GYS2: variants seen among roughly 807,000 people sequenced by gnomAD.
The protein encoded by GYS2 is glycogen synthase 2.
Under a neutral mutation model 85.6 loss-of-function variants are expected in GYS2, and 80 were observed. The ratio of observed to expected loss-of-function variants is 0.93; its 90% CI spans 0.78 to 1.13. The LOEUF is 1.13. Among genes scored for constraint, GYS2 ranks in the 50% most tolerant of loss-of-function variants. The pLI is 0.00. For missense variants in GYS2, 881 were observed against 854.9 expected, an observed-to-expected ratio of 1.03 and a Z score of -0.38; for synonymous variants, 328 against 300.7, an observed-to-expected ratio of 1.09 and a Z score of -0.94.
intron 13 of GYS2, among the ~76,000 whole-genome samples, chr12:21,541,318 A>G (rs1391307802): frequency 1.4e-5 from 2 of 147,030 alleles, no homozygotes; most frequent in African/African-American, 2.5e-5. Flanking sequence ...ATGGCAATGT[A>G]TTGGCAGACA....
In GYS2 at chr12:21,582,594, G is replaced by GATAGATATAGAT. The variant is rs71053324; in HGVS notation, c.122-2083_122-2072dup. 6.5e-3 allele frequency among the ~76,000 whole-genome samples: 972 copies of GATAGATATAGAT among 148,912 alleles called. 10 individuals carry two copies. Among genetic ancestry groups the GATAGATATAGAT allele is most frequent in the African/African-American group, 0.022 (889 of 40,176 alleles). On this transcript the variant is annotated intron_variant, in intron 1 of 15. Transcript: ENST00000261195. ...ATATAGATATAGAGATAGATATAGA[G>GATAGATATAGAT]ATAGATATAGATATAGATATAGATA...
chr12:21,537,120 G>C lies in GYS2; in HGVS notation c.1946C>G (p.Ser649Cys). 6.2e-7 allele frequency: 1 copy of C among 1,613,906 alleles called. No individual in the cohort carries two copies. The highest frequency in any genetic ancestry group is 8.5e-7 in the Non-Finnish European group (1 of 1,179,858). The change falls in exon 16 of 16, where the codon TCT (serine) becomes TGT (cysteine). Residue 649 changes from serine (S) to cysteine (C), a missense_variant. Transcript: ENST00000261195. ...PSSVPPSPSGSQASSPQSSDV... is the reference protein window; with the variant it reads ...PSSVPPSPSGCQASSPQSSDV... ...ACTGCTCTGAGGACTGGAGGCCTGA[G>C]ACCCTGAAGGAGAAGGTGGTACTGA...
intron 11 of GYS2, among the ~76,000 whole-genome samples, chr12:21,555,009 C>T (rs1565596873): frequency 6.6e-6 from 1 of 152,248 alleles, no homozygotes; most frequent in East Asian, 1.9e-4. Flanking sequence ...TTCCCTCATC[C>T]CTCCCTTCTG....
chr12:21,549,310 C>T (rs1944079087), intron 11 of GYS2, among the ~76,000 whole-genome samples: 1 of 152,146 alleles, frequency 6.6e-6, no homozygotes, highest in South Asian at 2.1e-4. Flanking sequence ...GGGAATCCCA[C>T]ATTTACAGAA....
intron 1 of GYS2, among the ~76,000 whole-genome samples, chr12:21,600,728 T>A (rs1171331107): frequency 6.6e-6 from 1 of 152,174 alleles, no homozygotes; most frequent in South Asian, 2.1e-4. Context: ...TTAGATATAA[T>A]TTCTGAAGGT....
chr12:21,602,274 A>G (rs998020645), intron 1 of GYS2, among the ~76,000 whole-genome samples: 2 of 152,062 alleles, frequency 1.3e-5, no homozygotes, highest in Non-Finnish European at 2.9e-5. Context: ...AATAGTAAAA[A>G]AGTGAATTGG....
intron 8 of GYS2, among the ~76,000 whole-genome samples, chr12:21,559,926 C>G (rs1379900836): frequency 6.6e-6 from 1 of 152,136 alleles, no homozygotes; most frequent in Admixed American, 6.5e-5. Context: ...ATGGCCAGCA[C>G]AAAGAGCTTA....
At chr12:21,549,488 A>T (rs1944081021) in intron 11 of GYS2, among the ~76,000 whole-genome samples, 1 of 152,218 alleles carries the variant, frequency 6.6e-6, no homozygotes, top group Non-Finnish European at 1.5e-5. Flanking sequence ...ACCCCATTTA[A>T]GTGTTTCTGA....
chr12:21,539,333 G>A lies in GYS2; in HGVS notation c.1815C>T (p.Tyr605=), dbSNP rs931924071. 4.4e-6 allele frequency: 7 copies of A among 1,590,914 alleles called. No homozygotes were observed. In the African/African-American group the frequency reaches 9.4e-5, roughly 21 times the overall value. ...LLDWRYLGRY[Y]QHARHLTLSR... Reference sequence around the variant, plus strand: ...TTAATGTCAGGTGTCTGGCATGCTGGTAATACTATTGATAGAAAGCCAAAT... The same window carrying A: ...TTAATGTCAGGTGTCTGGCATGCTGATAATACTATTGATAGAAAGCCAAAT... The change falls in exon 15 of 16, where the codon TAC becomes TAT. Residue 605 remains tyrosine (Y), a synonymous_variant. Transcript: ENST00000261195.
intron 11 of GYS2, 33 bp downstream of exon 11, chr12:21,558,167 T>C (rs770350226): frequency 2.5e-5 from 30 of 1,216,022 alleles, no homozygotes; most frequent in Non-Finnish European, 3.5e-5. Context: ...TTTAAGTAAG[T>C]TTAAAGTTCG....
rs761710422 is a variant in GYS2 at position 21,539,339 on chromosome 12, C to G, written c.1810-1G>C. 4 of 1,583,904 alleles carry G rather than the reference C, an allele frequency of 2.5e-6. No individual in the cohort carries two copies. The South Asian group carries it at 3.3e-5, about 13-fold the overall frequency. On this transcript the variant is annotated splice_acceptor_variant, in intron 14 of 15. Coordinates refer to ENST00000261195, the MANE Select transcript of GYS2 (RefSeq NM_021957.4). LOFTEE classifies it high-confidence loss of function. ...TCAGGTGTCTGGCATGCTGGTAATACTATTGATAGAAAGCCAAATCACAGG... is the reference window on the plus strand; with the variant it reads ...TCAGGTGTCTGGCATGCTGGTAATAGTATTGATAGAAAGCCAAATCACAGG...
intron 2 of GYS2, among the ~76,000 whole-genome samples, chr12:21,579,324 G>A (rs1944481440): frequency 6.6e-6 from 1 of 151,114 alleles, no homozygotes; most frequent in Admixed American, 6.6e-5. Context: ...TAGTTTCCAG[G>A]GAAGAATTTA....
rs1271143402 is a variant in GYS2, at chr12:21,569,019, AC to A, written c.679-11del. On this transcript the variant is annotated splice_polypyrimidine_tract_variant and intron_variant, in intron 4 of 15. Coordinates refer to ENST00000261195, the MANE Select transcript of GYS2 (RefSeq NM_021957.4). ...CTTTGTCAATGTTAAACTGTTAGAA[AC>A]AAAAATAAAACACACATTTGCTAAC... is the stretch of plus-strand genomic sequence containing the variant. The A allele has an allele frequency of 6.2e-7, 1 of 1,613,872 alleles. No individual in the cohort carries two copies. Among genetic ancestry groups the A allele is most frequent in the African/African-American group, 1.3e-5 (1 of 74,924 alleles).
intron 14 of GYS2, 53 bp downstream of exon 14, chr12:21,540,357 T>C: frequency 2.2e-6 from 3 of 1,380,074 alleles, no homozygotes; most frequent in East Asian, 2.3e-5. Flanking sequence ...AATATGTTTA[T>C]AGTCCAGTGG....
intron 1 of GYS2, among the ~76,000 whole-genome samples, chr12:21,603,731 A>G (rs781131442): frequency 6.6e-6 from 1 of 152,090 alleles, no homozygotes; most frequent in Non-Finnish European, 1.5e-5. Flanking sequence ...AATAGTCTTG[A>G]CACTTTTAAA....
chr12:21,575,412 G>A (rs185489555), intron 3 of GYS2, among the ~76,000 whole-genome samples: 79 of 152,202 alleles, frequency 5.2e-4, no homozygotes, highest in African/African-American at 1.7e-3. Context: ...GCAAAACACT[G>A]TCATTGAAGA....
At chr12:21,537,274 C>T in intron 15 of GYS2, 99 bp from the exon 16 acceptor site, 1 of 837,564 alleles carries the variant, frequency 1.2e-6, no homozygotes, top group South Asian at 1.4e-5. Context: ...AAGTAGTTAT[C>T]TATCTTTTGT....
chr12:21,595,519 C>G (rs1944685679), intron 1 of GYS2, among the ~76,000 whole-genome samples: 1 of 152,214 alleles, frequency 6.6e-6, no homozygotes, highest in Non-Finnish European at 1.5e-5. Context: ...TGGGAGCTCA[C>G]TGGGTCCCTG....
intron 11 of GYS2, among the ~76,000 whole-genome samples, chr12:21,547,490 G>A (rs1217148393): frequency 3.9e-5 from 6 of 152,128 alleles, no homozygotes; most frequent in African/African-American, 1.4e-4. Flanking sequence ...AAACATAAAT[G>A]CATACTACTA....
Sources: allele counts gnomAD v4.1 joint callset (sites outside exome capture counted in the v4.1 genomes callset), GRCh38; gene constraint gnomAD v4.1.1; transcripts MANE v1.5; gene names NCBI Gene and HGNC (gene_info 2026-07-23, HGNC 2026-07-21).